ADAM11: variants seen among roughly 807,000 people sequenced by gnomAD.
ADAM11 encodes ADAM metallopeptidase domain 11.
A neutral mutation model predicts 119.1 loss-of-function variants in ADAM11; 49 were observed. The observed-to-expected ratio is 0.41, with a 90% confidence interval of 0.33 to 0.52. The LOEUF is 0.52. Ranked by LOEUF, ADAM11 falls within the 20% of genes least tolerant of loss-of-function variation. The pLI is 0.20. For synonymous variants in ADAM11, 364 were observed against 408.0 expected (o/e 0.89, Z 1.30); for missense variants, 777 against 1,047.5 (o/e 0.74, Z 3.56).
intron 4 of ADAM11, among the ~76,000 whole-genome samples, chr17:44,770,492 C>G (rs1280277189): frequency 7.0e-5 from 4 of 57,034 alleles, no homozygotes; most frequent in East Asian, 7.6e-4. Context: ...CCTGTCTCCC[C>G]CCCCCCCGCC....
rs1052319096 is a variant in ADAM11, at chr17:44,777,380, G to A, written c.1782-102G>A. On this transcript the variant is annotated intron_variant, in intron 21 of 26. Transcript: ENST00000200557. The surrounding 1 kb of genome is among the most constrained non-coding windows in gnomAD (Gnocchi z 5.1). ...CCTGTCAGTCCCAATGGGCGGGCAC[G>A]TGGCAAATGAGGTGGCAGGGTGCAG... The A allele has an allele frequency of 1.3e-5, 20 of 1,525,030 alleles. No homozygotes were observed. The highest frequency in any genetic ancestry group is 5.5e-5 in the African/African-American group (4 of 73,254). The allele number at this position is 1,525,030 out of a possible 1,614,324, so 94.5% of individuals were successfully genotyped here.
intron 2 of ADAM11, among the ~76,000 whole-genome samples, chr17:44,766,084 A>G (rs966358479): frequency 6.6e-6 from 1 of 152,200 alleles, no homozygotes; most frequent in African/African-American, 2.4e-5. Context: ...CTGAAAAGCC[A>G]AATCAGTGAT....
At chr17:44,774,818 C>T in intron 14 of ADAM11, 69 bp downstream of exon 14, 1 of 1,551,144 alleles carries the variant, frequency 6.4e-7, no homozygotes, top group South Asian at 1.2e-5. Context: ...CATTGTTTGG[C>T]AGTCTGGACC....
intron 6 of ADAM11, 107 bp downstream of exon 6, chr17:44,771,938 C>T (rs2049529656): frequency 1.5e-6 from 2 of 1,315,904 alleles, no homozygotes; most frequent in Non-Finnish European, 2.1e-6. Flanking sequence ...CTCAGTAACC[C>T]CAGCCTCACT....
rs373734841 is a variant in ADAM11 at position 44,779,742 on chromosome 17, C to T, written c.2298C>T (p.Ser766=). ...TGATGCCCCCTCTCCGTTCCAGGTCCGGAGGGGCCTAAGTGCCACCCTCCT... is the reference window on the plus strand; with the variant it reads ...TGATGCCCCCTCTCCGTTCCAGGTCTGGAGGGGCCTAAGTGCCACCCTCCT... ...WGFKNIRRGR[S]GGA The change falls in exon 27 of 27, where the codon TCC becomes TCT. Residue 766 remains serine (S), a synonymous_variant. Transcript: ENST00000200557. 1.6e-5 allele frequency: 26 copies of T among 1,601,956 alleles called. No individual in the cohort carries two copies. In the Admixed American group the frequency reaches 2.2e-4, roughly 13 times the overall value.
rs376446378 is a variant in ADAM11, at chr17:44,774,691, C to G, written c.1169-7C>G. On this transcript the variant is annotated splice_polypyrimidine_tract_variant and splice_region_variant and intron_variant, in intron 13 of 26. Transcript: ENST00000200557. The stretch of plus-strand genomic sequence containing the variant: ...CCTCCCTCATATCCGCCTGGCTCAC[C>G]CCTCAGGGGACTGCAAGTGTCCAGA... 25 of 1,588,832 alleles carry G rather than the reference C, an allele frequency of 1.6e-5. No homozygotes were observed. Among genetic ancestry groups the G allele is most frequent in the Non-Finnish European group, 2.1e-5 (24 of 1,168,790 alleles).
Position 44,774,393 on chromosome 17 carries a change from G to A in ADAM11, c.1077+14G>A. The A allele has an allele frequency of 6.6e-7, 1 of 1,517,486 alleles. No homozygotes were observed. Among genetic ancestry groups the A allele is most frequent in the Non-Finnish European group, 8.9e-7 (1 of 1,125,064 alleles). The allele number at this position is 1,517,486 out of a possible 1,614,324, so 94.0% of individuals were successfully genotyped here. A position where few individuals can be genotyped will look rare whatever the true frequency, so the allele number is the denominator to read the frequency against. On this transcript the variant is annotated intron_variant, in intron 12 of 26. Coordinates refer to ENST00000200557, the MANE Select transcript of ADAM11 (RefSeq NM_002390.6). ...GGTGTGAACGAGGTGAGCAGTGGGG[G>A]GACATGGCTGGGGTGGCGGCTGAGG...
chr17:44,759,495 C>T, intron 1 of ADAM11: 1 of 1,243,296 alleles, frequency 8.0e-7, no homozygotes, highest in South Asian at 3.5e-5. Context: ...CAGGTCTCTG[C>T]GGGTTTGGGC....
chr17:44,772,264 C>T lies in ADAM11; in HGVS notation c.544-3C>T, dbSNP rs1181673630. 1 of 1,606,884 alleles carries T rather than the reference C, an allele frequency of 6.2e-7. No homozygotes were observed. Among genetic ancestry groups the T allele is most frequent in the South Asian group, 1.1e-5 (1 of 89,660 alleles). ...CCCAAGAACTAATTTCCCCTCATTG[C>T]AGGGACCCCTTCCCCACCTCATTTA... On this transcript the variant is annotated splice_polypyrimidine_tract_variant and splice_region_variant and intron_variant, in intron 6 of 26. Coordinates refer to ENST00000200557, the MANE Select transcript of ADAM11 (RefSeq NM_002390.6). This position sits in a 1 kb window ranked among gnomAD's most constrained non-coding sequence, Gnocchi z 4.5.
rs1220046309 is a variant in ADAM11, at chr17:44,772,433, T to C, written c.645T>C (p.Pro215=). Residue 215 remains proline (P), a synonymous_variant, in exon 8 of 27, where the codon CCT becomes CCC. Coordinates refer to ENST00000200557, the MANE Select transcript of ADAM11 (RefSeq NM_002390.6). The surrounding 1 kb of genome is among the most constrained non-coding windows in gnomAD (Gnocchi z 4.5). The part of the protein sequence containing the change: ...CLFAVPAQSA[P]PNRPRLRRKR... ...TTGCTGTGCCTGCCCAGTCGGCTCC[T>C]CCAAACCGGCCGAGGCTGAGAAGGA... The C allele has an allele frequency of 1.9e-6, 3 of 1,577,500 alleles. No individual in the cohort carries two copies. The highest frequency in any genetic ancestry group is 3.6e-5 in the Admixed American group (2 of 54,834).
Position 44,773,237 on chromosome 17 carries a change from C to A in ADAM11, c.826-24C>A, listed in dbSNP as rs188421925. ...TGGCCCCAACACCCACTCCCACCCTCCAGCCCCCTCATCTTCTCCCCAGAT... is the reference window on the plus strand; with the variant it reads ...TGGCCCCAACACCCACTCCCACCCTACAGCCCCCTCATCTTCTCCCCAGAT... On this transcript the variant is annotated intron_variant, in intron 10 of 26. Transcript: ENST00000200557. The surrounding 1 kb of genome is among the most constrained non-coding windows in gnomAD (Gnocchi z 4.6). 4.3e-6 allele frequency: 7 copies of A among 1,611,456 alleles called. No homozygotes were observed. The highest frequency in any genetic ancestry group is 5.9e-6 in the Non-Finnish European group (7 of 1,177,986).
At chr17:44,769,634 G>C in intron 2 of ADAM11, 84 bp from the exon 3 acceptor site, 2 of 845,280 alleles carry the variant, frequency 2.4e-6, no homozygotes, top group Non-Finnish European at 3.9e-6. Context: ...CCTTCCCCAG[G>C]GCTACTGTTG....
intron 25 of ADAM11, among the ~76,000 whole-genome samples, chr17:44,778,928 G>A (rs573023513): frequency 3.9e-5 from 6 of 152,204 alleles, no homozygotes; most frequent in African/African-American, 7.2e-5. Context: ...TGCTTTGTGC[G>A]TGTCTAAGTT....
At chr17:44,767,354 CAAAAAAAAAA>C (rs72428475) in intron 2 of ADAM11, among the ~76,000 whole-genome samples, 1 of 56,920 alleles carries the variant, frequency 1.8e-5, no homozygotes, top group African/African-American at 7.1e-5. Flanking sequence ...GACTCCATCT[CAAAAAAAAAA>C]AAAAAAAAAA....
rs192298801 is a variant in ADAM11 at position 44,781,499 on chromosome 17, C to A, written c.*1745C>A. 6.6e-6 allele frequency: 1 copy of A among 152,448 alleles called. No individual in the cohort carries two copies. Among genetic ancestry groups the A allele is most frequent in the East Asian group, 1.9e-4 (1 of 5,180 alleles). The allele number at this position is 152,448 out of a possible 1,614,324, so 9.4% of individuals were successfully genotyped here. A position where few individuals can be genotyped will look rare whatever the true frequency, so the allele number is the denominator to read the frequency against. ...AGGCATCTGTCCTCTGGTGGTGCAC[C>A]CGTGCACACAGGTACAGTGCATCTG... On this transcript the variant is annotated 3_prime_UTR_variant, in exon 27 of 27. Coordinates refer to ENST00000200557, the MANE Select transcript of ADAM11 (RefSeq NM_002390.6).
At chr17:44,769,891 C>T in intron 3 of ADAM11, 91 bp from the exon 4 acceptor site, 1 of 1,603,442 alleles carries the variant, frequency 6.2e-7, no homozygotes. Flanking sequence ...TGGGCCTGGG[C>T]AGAGGGGACC....
At position 44,767,028 on chromosome 17, in the gene ADAM11, G is replaced by T. The variant is rs576426213; in HGVS notation, c.238-2690G>T. Among the ~76,000 whole-genome samples the T allele has an allele frequency of 3.9e-4, 60 of 152,184 alleles. 1 individual carries two copies. The highest frequency in any genetic ancestry group is 1.4e-3 in the African/African-American group (60 of 41,528). On this transcript the variant is annotated intron_variant, in intron 2 of 26. Coordinates refer to ENST00000200557, the MANE Select transcript of ADAM11 (RefSeq NM_002390.6). ...AAGATCAGCCTGGGCAACACAGTGA[G>T]ATCCCATCTCTTAAAAAATTAATTA...
intron 1 of ADAM11, 144 bp downstream of exon 1, chr17:44,759,404 A>C (rs1037813623): frequency 3.2e-6 from 4 of 1,257,424 alleles, no homozygotes; most frequent in Non-Finnish European, 2.0e-6. Flanking sequence ...GCGGGAGAGG[A>C]GGGAAGGTGC....
chr17:44,764,504 C>T (rs1057032106), intron 2 of ADAM11, among the ~76,000 whole-genome samples: 1 of 152,080 alleles, frequency 6.6e-6, no homozygotes, highest in Non-Finnish European at 1.5e-5. Flanking sequence ...TGGCTAGAAG[C>T]CAGGGCTAGG....
Sources: gnomAD v4.1 joint callset for allele counts (sites outside exome capture counted in the v4.1 genomes callset) on GRCh38, gnomAD v4.1.1 for gene constraint, Gnocchi (gnomAD v3.1) non-coding constraint, MANE v1.5 for transcripts, NCBI Gene and HGNC (gene_info 2026-07-23, HGNC 2026-07-21) for gene names.